Variants in ZBTB20 observed in about 807,000 individuals in gnomAD.
ZBTB20 encodes zinc finger and BTB domain containing 20, also known as zinc finger and BTB domain-containing protein 20.
ZBTB20 carries 9 observed loss-of-function variants against 56.9 expected under a neutral mutation model. The ratio of observed to expected loss-of-function variants is 0.16; its 90% CI spans 0.10 to 0.28. ZBTB20 has a LOEUF of 0.28. ZBTB20 is among the 10% of genes least tolerant of loss of function. ZBTB20 has a pLI of 1.00. For synonymous variants in ZBTB20, 417 were observed against 420.7 expected (o/e 0.99, Z 0.11); for missense variants, 655 against 1,003.0 (o/e 0.65, Z 4.69).
chr3:115,061,176 T>A (rs1035917765), intron 2 of ZBTB20, among the ~76,000 whole-genome samples: 1 of 152,110 alleles, frequency 6.6e-6, no homozygotes, highest in African/African-American at 2.4e-5. Flanking sequence ...TAAATGGAGA[T>A]AATAAAATTT....
At chr3:115,140,897 T>G (rs1432758157) in intron 1 of ZBTB20, among the ~76,000 whole-genome samples, 2 of 152,144 alleles carry the variant, frequency 1.3e-5, no homozygotes, top group African/African-American at 4.8e-5. Flanking sequence ...AGTGCATATC[T>G]GTGAGCTGAC....
chr3:114,516,899 A>G (rs2046060284), intron 6 of ZBTB20, among the ~76,000 whole-genome samples: 1 of 152,186 alleles, frequency 6.6e-6, no homozygotes, highest in South Asian at 2.1e-4. Context: ...TAGCTTCTAT[A>G]ACTGTGAGAC....
At chr3:114,721,802 G>A (rs2064934833) in intron 5 of ZBTB20, among the ~76,000 whole-genome samples, 1 of 151,954 alleles carries the variant, frequency 6.6e-6, no homozygotes, top group Non-Finnish European at 1.5e-5. Context: ...TAAATTCGTG[G>A]GATTCTTGGG....
chr3:115,014,014 C>CCTAAGTAT (rs1281144381), intron 2 of ZBTB20, among the ~76,000 whole-genome samples: 3 of 151,296 alleles, frequency 2.0e-5, no homozygotes, highest in South Asian at 2.1e-4. Flanking sequence ...ATAATAGCAA[C>CCTAAGTAT]CTAAGTATCC....
At chr3:115,002,168 T>C (rs559337934) in intron 2 of ZBTB20, among the ~76,000 whole-genome samples, 33 of 151,490 alleles carry the variant, frequency 2.2e-4, no homozygotes, top group South Asian at 1.5e-3. Context: ...GTCCAATAAC[T>C]GAACATCCAC....
At chr3:114,489,902 C>T (rs1208506753) in intron 7 of ZBTB20, among the ~76,000 whole-genome samples, 1 of 152,150 alleles carries the variant, frequency 6.6e-6, no homozygotes. Flanking sequence ...TCTAAGCTAT[C>T]ATTTTATAAT....
intron 3 of ZBTB20, among the ~76,000 whole-genome samples, chr3:114,959,566 C>T (rs977492322): frequency 2.0e-5 from 3 of 151,992 alleles, no homozygotes; most frequent in Non-Finnish European, 4.4e-5. Context: ...ACACCAAATG[C>T]GGTTTTTGTT....
rs555728655 is a variant in ZBTB20, at chr3:114,605,878, G to GCA, written c.-295+87648_-295+87649dup. On this transcript the variant is annotated intron_variant, in intron 6 of 11. Transcript: ENST00000675478. ...ACAGAATATGATCCATTCATGAACT[G>GCA]CAGGTGGTTCCAGACAGAGGATAGA... is the stretch of plus-strand genomic sequence containing the variant. Among the ~76,000 whole-genome samples, 30 of 152,264 alleles carry GCA rather than the reference G, an allele frequency of 2.0e-4. No homozygotes were observed. The East Asian group carries it at 5.6e-3, about 28-fold the overall frequency.
chr3:115,027,917 T>C (rs1179720418), intron 2 of ZBTB20, among the ~76,000 whole-genome samples: 1 of 150,830 alleles, frequency 6.6e-6, no homozygotes, highest in Non-Finnish European at 1.5e-5. Flanking sequence ...ATTTCCTTTT[T>C]CAAAAATTGA....
intron 7 of ZBTB20, among the ~76,000 whole-genome samples, chr3:114,484,993 T>C (rs1302964865): frequency 6.6e-6 from 1 of 152,228 alleles, no homozygotes; most frequent in East Asian, 1.9e-4. Context: ...CCAATGCCGA[T>C]TGTTGAGACA....
rs201408117 is a variant in ZBTB20 at position 115,013,851 on chromosome 3, GT to G, written c.-506-39436del. On this transcript the variant is annotated intron_variant, in intron 2 of 11. Transcript: ENST00000675478. ...ATTAGTACAACCACTATGGAGAACA[GT>G]TTGGAAGTTCCTCAAAAAACTAAAA... Among the ~76,000 whole-genome samples, 854 of 151,672 alleles carry G rather than the reference GT, an allele frequency of 5.6e-3. 12 individuals carry two copies. The highest frequency in any genetic ancestry group is 0.02 in the African/African-American group (827 of 41,432).
Position 114,591,895 on chromosome 3 carries a change from T to C in ZBTB20, c.-294-91504A>G, listed in dbSNP as rs545770235. Among the ~76,000 whole-genome samples the C allele has an allele frequency of 2.6e-5, 4 of 152,274 alleles. No homozygotes were observed. In the East Asian group the frequency reaches 7.7e-4, roughly 29 times the overall value. On this transcript the variant is annotated intron_variant, in intron 6 of 11. Coordinates refer to ENST00000675478, the MANE Select transcript of ZBTB20 (RefSeq NM_001348800.3). ...TTGTCCTCAACATCTAAAATAATGA[T>C]TTGCAACCATTTAGAAGTTCTGGTA...
chr3:114,410,899 G>A (rs2087879804), intron 7 of ZBTB20, among the ~76,000 whole-genome samples: 1 of 152,118 alleles, frequency 6.6e-6, no homozygotes, highest in Non-Finnish European at 1.5e-5. Flanking sequence ...GGCTACTCCT[G>A]GGGTGCATAG....
chr3:114,458,440 T>A (rs1404994729), intron 7 of ZBTB20, among the ~76,000 whole-genome samples: 1 of 152,160 alleles, frequency 6.6e-6, no homozygotes, highest in African/African-American at 2.4e-5. Context: ...TAAAGATAAC[T>A]AGTTGAAGCT....
chr3:114,901,931 C>T (rs1430221161), intron 3 of ZBTB20, among the ~76,000 whole-genome samples: 1 of 151,888 alleles, frequency 6.6e-6, no homozygotes, highest in African/African-American at 2.4e-5. Flanking sequence ...TAATTATCTA[C>T]AATAAGCATG....
chr3:114,831,860 C>T (rs1007407530), intron 4 of ZBTB20, among the ~76,000 whole-genome samples: 1 of 152,048 alleles, frequency 6.6e-6, no homozygotes, highest in Non-Finnish European at 1.5e-5. Context: ...GACTGTACCT[C>T]TGCCTCTAAA....
intron 6 of ZBTB20, among the ~76,000 whole-genome samples, chr3:114,513,393 A>G (rs2045625279): frequency 6.6e-6 from 1 of 152,214 alleles, no homozygotes; most frequent in South Asian, 2.1e-4. Flanking sequence ...TAGTTTACCT[A>G]TTTATATTTT....
chr3:114,937,050 T>C (rs1050779908), intron 3 of ZBTB20, among the ~76,000 whole-genome samples: 3 of 152,210 alleles, frequency 2.0e-5, no homozygotes, highest in African/African-American at 7.2e-5. Context: ...CAAGTCTTTG[T>C]TATTGTGAAT....
rs767080880 is a variant in ZBTB20, at chr3:114,350,911, C to T, written c.1167G>A (p.Ser389=). Residue 389 remains serine (S), a synonymous_variant, in exon 11 of 12, where the codon TCG becomes TCA. Coordinates refer to ENST00000675478, the MANE Select transcript of ZBTB20 (RefSeq NM_001348800.3). ...VSSSIGTEPD[S]VEQQFGPGAA... is the part of the protein sequence containing the mutation. The stretch of plus-strand genomic sequence containing the variant: ...CCCCAGGCCCAAACTGCTGCTCCAC[C>T]GAGTCAGGCTCGGTGCCTATGGAGG... 61 of 1,606,250 alleles carry T rather than the reference C, an allele frequency of 3.8e-5. No individual in the cohort carries two copies. The highest frequency in any genetic ancestry group is 1.2e-4 in the South Asian group (11 of 91,040).
Sources: gnomAD v4.1 joint callset for allele counts (sites outside exome capture counted in the v4.1 genomes callset) on GRCh38, gnomAD v4.1.1 for gene constraint, MANE v1.5 for transcripts, NCBI Gene and HGNC (gene_info 2026-07-23, HGNC 2026-07-21) for gene names.